NCKAP5: variants seen among roughly 807,000 people sequenced by gnomAD.
NCKAP5 encodes the protein nck-associated protein 5.
In NCKAP5, 92 loss-of-function variants were observed where a neutral mutation model predicts 167.0. The ratio of observed to expected loss-of-function variants is 0.55; its 90% CI spans 0.47 to 0.66. The LOEUF is 0.66. NCKAP5 is among the 30% of genes least tolerant of loss of function. NCKAP5 has a pLI of 0.00. For synonymous variants in NCKAP5, 891 were observed against 877.4 expected (o/e 1.02, Z -0.27); for missense variants, 2,378 against 2,315.0 (o/e 1.03, Z -0.56).
chr2:133,292,178 C>T lies in NCKAP5; in HGVS notation c.143+10859G>A, dbSNP rs577871549. Among the ~76,000 whole-genome samples the T allele has an allele frequency of 2.6e-3, 391 of 152,088 alleles. 2 individuals carry two copies. Among genetic ancestry groups the T allele is most frequent in the African/African-American group, 8.8e-3 (363 of 41,464 alleles). On this transcript the variant is annotated intron_variant, in intron 4 of 19. Coordinates refer to ENST00000409261, the MANE Select transcript of NCKAP5 (RefSeq NM_207363.3). ...AGAGAGATACAGGGTTATATCCTAACGGTACCTTTTTAAAAAATAAGTCAT... is the reference window on the plus strand; with the variant it reads ...AGAGAGATACAGGGTTATATCCTAATGGTACCTTTTTAAAAAATAAGTCAT...
chr2:132,692,404 C>T (rs571319248), intron 19 of NCKAP5, among the ~76,000 whole-genome samples: 23 of 152,028 alleles, frequency 1.5e-4, no homozygotes, highest in African/African-American at 5.6e-4. Flanking sequence ...CCTCCCACCT[C>T]GCCCTTCCAA....
chr2:132,852,385 C>T (rs1396338445), intron 11 of NCKAP5, among the ~76,000 whole-genome samples: 1 of 152,144 alleles, frequency 6.6e-6, no homozygotes, highest in Non-Finnish European at 1.5e-5. Flanking sequence ...TGTTGAAATC[C>T]TTAAAACAAA....
the NCKAP5 span, among the ~76,000 whole-genome samples, chr2:133,618,373 C>T: frequency 9.3e-5 from 14 of 151,314 alleles, no homozygotes; most frequent in African/African-American, 2.9e-4. Flanking sequence ...AGGCAACCTA[C>T]AAAATGGGAG....
intron 3 of NCKAP5, among the ~76,000 whole-genome samples, chr2:133,472,489 T>G (rs2151287458): frequency 6.6e-6 from 1 of 152,214 alleles, no homozygotes; most frequent in East Asian, 1.9e-4. Context: ...CTCTCCTTTT[T>G]AGGCTCCCCT....
intron 6 of NCKAP5, among the ~76,000 whole-genome samples, chr2:133,011,988 C>A (rs1467736759): frequency 1.3e-5 from 2 of 152,278 alleles, no homozygotes; most frequent in Non-Finnish European, 2.9e-5. Context: ...TGGACCTCTG[C>A]TTTCATCCTG....
intron 6 of NCKAP5, among the ~76,000 whole-genome samples, chr2:133,011,787 G>T (rs1036252052): frequency 6.6e-6 from 1 of 152,162 alleles, no homozygotes; most frequent in African/African-American, 2.4e-5. Flanking sequence ...GGACAGAAGG[G>T]ATGATTATCA....
In NCKAP5 at chr2:132,952,963, A is replaced by C. The variant is rs796468072; in HGVS notation, c.579+10757T>G. Among the ~76,000 whole-genome samples the C allele has an allele frequency of 2.0e-5, 3 of 152,342 alleles. 1 individual carries two copies. In the South Asian group the frequency reaches 6.2e-4, roughly 32 times the overall value. On this transcript the variant is annotated intron_variant, in intron 8 of 19. Coordinates refer to ENST00000409261, the MANE Select transcript of NCKAP5 (RefSeq NM_207363.3). ...CACTGTGGAAAGTGAAGGGGCTATT[A>C]GTTAAGAACACCTCTAAACTGATTA...
At chr2:133,033,322 G>A (rs532408656) in intron 6 of NCKAP5, among the ~76,000 whole-genome samples, 1 of 152,346 alleles carries the variant, frequency 6.6e-6, no homozygotes, top group African/African-American at 2.4e-5. Context: ...GCCCCCAAAG[G>A]AAGATACAGC....
Position 133,268,434 on chromosome 2 carries a change from G to A in NCKAP5, c.143+34603C>T, listed in dbSNP as rs2089343469. ...AGCTCAAGTGTTACTTTCCCAGTAA[G>A]CAAATCATGTAAGTCAAGGACAACT... On this transcript the variant is annotated intron_variant, in intron 4 of 19. Transcript: ENST00000409261. The A allele has an allele frequency of 2.0e-5, 3 of 150,608 alleles. No homozygotes were observed. In the South Asian group the frequency reaches 6.3e-4, roughly 32 times the overall value. 9.3% of individuals were successfully genotyped at this position (150,608 alleles called of 1,614,324 possible). A position where few individuals can be genotyped will look rare whatever the true frequency, so the allele number is the denominator to read the frequency against.
the NCKAP5 span, among the ~76,000 whole-genome samples, chr2:133,669,072 A>T: frequency 6.6e-6 from 1 of 152,184 alleles, no homozygotes; most frequent in Non-Finnish European, 1.5e-5. Flanking sequence ...TCTATTTAAC[A>T]TTATAATCAT....
In NCKAP5 at chr2:133,432,705, G is replaced by A. The variant is rs141399691; in HGVS notation, c.69+84753C>T. On this transcript the variant is annotated intron_variant, in intron 3 of 19. Coordinates refer to ENST00000409261, the MANE Select transcript of NCKAP5 (RefSeq NM_207363.3). ...CATGGGCTCCACAGGAAATGATAAT[G>A]ATTTTGCTCATCAATATAGTCTTAG... 1.4e-3 allele frequency among the ~76,000 whole-genome samples: 211 copies of A among 152,250 alleles called. 4 individuals carry two copies. The highest frequency in any genetic ancestry group is 9.5e-3 in the South Asian group (46 of 4,826).
chr2:133,107,082 T>C (rs1052692358), intron 6 of NCKAP5, among the ~76,000 whole-genome samples: 3 of 152,190 alleles, frequency 2.0e-5, no homozygotes, highest in African/African-American at 7.2e-5. Flanking sequence ...TTTTACATCA[T>C]CAAAACTTCT....
At chr2:133,438,835 T>C (rs1690658890) in intron 3 of NCKAP5, among the ~76,000 whole-genome samples, 1 of 152,216 alleles carries the variant, frequency 6.6e-6, no homozygotes, top group South Asian at 2.1e-4. Flanking sequence ...TGTTATTTTT[T>C]ACTGCTGCTT....
At chr2:133,469,145 G>T (rs1175791036) in intron 3 of NCKAP5, among the ~76,000 whole-genome samples, 1 of 151,994 alleles carries the variant, frequency 6.6e-6, no homozygotes, top group African/African-American at 2.4e-5. Flanking sequence ...GCAGTGGCTG[G>T]TACCGGCTTT....
intron 6 of NCKAP5, among the ~76,000 whole-genome samples, chr2:133,002,577 G>A (rs1054457207): frequency 6.6e-6 from 1 of 152,154 alleles, no homozygotes; most frequent in Non-Finnish European, 1.5e-5. Context: ...AAGCATTTAA[G>A]ACCAGCTATT....
intron 8 of NCKAP5, among the ~76,000 whole-genome samples, chr2:132,921,300 C>G (rs976881676): frequency 1.2e-4 from 19 of 152,136 alleles, no homozygotes; most frequent in African/African-American, 4.6e-4. Flanking sequence ...CTCCTTCTCA[C>G]CCAACACTCC....
At chr2:132,761,450 T>G (rs922887264) in intron 16 of NCKAP5, among the ~76,000 whole-genome samples, 1 of 152,252 alleles carries the variant, frequency 6.6e-6, no homozygotes, top group Non-Finnish European at 1.5e-5. Context: ...AAATGCTGGC[T>G]AGGGCATTCT....
At chr2:133,410,759 A>C (rs902818763) in intron 3 of NCKAP5, among the ~76,000 whole-genome samples, 31 of 152,224 alleles carry the variant, frequency 2.0e-4, no homozygotes, top group Non-Finnish European at 4.6e-4. Flanking sequence ...GATACATCCT[A>C]AATTTAAAAC....
intron 1 of NCKAP5, among the ~76,000 whole-genome samples, chr2:133,560,201 G>T (rs907998538): frequency 6.6e-6 from 1 of 152,170 alleles, no homozygotes; most frequent in Non-Finnish European, 1.5e-5. Context: ...GAATATTTTC[G>T]TAAGTATAAA....
Sources: gnomAD v4.1 joint callset for allele counts (sites outside exome capture counted in the v4.1 genomes callset) on GRCh38, gnomAD v4.1.1 for gene constraint, MANE v1.5 for transcripts, NCBI Gene and HGNC (gene_info 2026-07-23, HGNC 2026-07-21) for gene names.